Variants in PDHB observed in about 807,000 individuals in gnomAD.
PDHB encodes the protein pyruvate dehydrogenase E1 component subunit beta, mitochondrial.
A neutral mutation model predicts 42.8 loss-of-function variants in PDHB; 17 were observed. That is an observed-to-expected ratio of 0.40 (90% CI 0.27 to 0.60). PDHB has a LOEUF of 0.60. Ranked by LOEUF, PDHB falls within the 20% of genes least tolerant of loss-of-function variation. The pLI, the probability that PDHB is intolerant of heterozygous loss-of-function variation, is 0.46. For missense variants in PDHB, 322 were observed against 451.3 expected (o/e 0.71, Z 2.60); for synonymous variants, 154 against 148.7 (o/e 1.04, Z -0.26).
intron 6 of PDHB, among the ~76,000 whole-genome samples, 173 bp downstream of exon 6, chr3:58,430,484 T>C (rs2062910479): frequency 6.6e-6 from 1 of 152,220 alleles, no homozygotes; most frequent in Admixed American, 6.5e-5. Flanking sequence ...GGCCCCCTTA[T>C]ATTCGGAAAT....
chr3:58,428,231 CCACCTTGG>C (rs1482231491), intron 9 of PDHB, 52 bp from the exon 10 acceptor site: 1 of 1,558,686 alleles, frequency 6.4e-7, no homozygotes, highest in East Asian at 2.2e-5. Context: ...CTGGGCACTA[CCACCTTGG>C]CACAGAGGTG....
At chr3:58,428,282 C>G (rs1291944164) in intron 9 of PDHB, 103 bp from the exon 10 acceptor site, 1 of 1,257,802 alleles carries the variant, frequency 8.0e-7, no homozygotes, top group Non-Finnish European at 1.2e-6. Context: ...GTAAGGAATG[C>G]TAATTATGGG....
At position 58,430,807 on chromosome 3, in the gene PDHB, G is replaced by GT. The variant is rs200687616; in HGVS notation, c.438_439insA (p.Pro147ThrfsTer38). 1 of 1,613,980 alleles carries GT rather than the reference G, an allele frequency of 6.2e-7. No individual in the cohort carries two copies. The highest frequency in any genetic ancestry group is 8.5e-7 in the Non-Finnish European group (1 of 1,179,904). On this transcript the variant is annotated frameshift_variant, in exon 6 of 10. Transcript: ENST00000302746. LOFTEE classifies it high-confidence loss of function. ...GCTACACCTGCTGAGGCACCATTGGGCCCTCTGAAGACTATAGGCACAGGC... is the reference window on the plus strand; with the variant it reads ...GCTACACCTGCTGAGGCACCATTGGGTCCCTCTGAAGACTATAGGCACAGGC...
chr3:58,433,236 G>T (rs1038604533), intron 2 of PDHB: 1 of 313,132 alleles, frequency 3.2e-6, no homozygotes, highest in Non-Finnish European at 6.0e-6. Flanking sequence ...GACAGTTTCT[G>T]CTTGGGATGA....
intron 8 of PDHB, 77 bp from the exon 9 acceptor site, chr3:58,428,691 T>G: frequency 7.9e-7 from 1 of 1,272,936 alleles, no homozygotes; most frequent in Non-Finnish European, 1.1e-6. Flanking sequence ...ACCATTTCCT[T>G]TTTTGTTTCC....
chr3:58,433,104 A>G, intron 2 of PDHB: 1 of 177,438 alleles, frequency 5.6e-6, no homozygotes, highest in Non-Finnish European at 1.2e-5. Context: ...TAAGCCAGAC[A>G]CAAAAGGACA....
At position 58,429,582 on chromosome 3, in the gene PDHB, A is replaced by T; in HGVS notation, c.792+126T>A. 4 of 754,348 alleles carry T rather than the reference A, an allele frequency of 5.3e-6. No individual in the cohort carries two copies. The Middle Eastern group carries it at 7.8e-4, about 146-fold the overall frequency. The allele number at this position is 754,348 out of a possible 1,614,324, so 46.7% of individuals were successfully genotyped here. ...AACTGCAGGCAGGTTCCCAGCTTTA[A>T]GCAGAGACAGAAATGAGTGACAAAG... On this transcript the variant is annotated intron_variant, in intron 8 of 9. Coordinates refer to ENST00000302746, the MANE Select transcript of PDHB (RefSeq NM_000925.4).
Position 58,427,749 on chromosome 3 carries a change from C to T in PDHB, c.*285G>A, listed in dbSNP as rs530847041. 1.4e-5 allele frequency: 7 copies of T among 510,998 alleles called. No individual in the cohort carries two copies. The highest frequency in any genetic ancestry group is 9.5e-5 in the African/African-American group (5 of 52,416). 31.7% of individuals were successfully genotyped at this position (510,998 alleles called of 1,614,324 possible). The stretch of plus-strand genomic sequence containing the variant: ...GATACATCTTTCATGAGGACTCTGC[C>T]ACATCCATACTTTGTCCTTGTGGTG... On this transcript the variant is annotated 3_prime_UTR_variant, in exon 10 of 10. Transcript: ENST00000302746.
rs2062886579 is a variant in PDHB, at chr3:58,428,011, A to G, written c.*23T>C. 2 of 1,546,422 alleles carry G rather than the reference A, an allele frequency of 1.3e-6. No individual in the cohort carries two copies. The highest frequency in any genetic ancestry group is 1.8e-6 in the Non-Finnish European group (2 of 1,119,496). ...CAGCAAGTATTTCAAATAAATTTCA[A>G]CGACTTGATATTCAAGTCCAAACTA... On this transcript the variant is annotated 3_prime_UTR_variant, in exon 10 of 10. Coordinates refer to ENST00000302746, the MANE Select transcript of PDHB (RefSeq NM_000925.4).
Position 58,428,502 on chromosome 3 carries a change from C to T in PDHB, c.905G>A (p.Gly302Glu). 6.2e-7 allele frequency: 1 copy of T among 1,614,164 alleles called. No individual in the cohort carries two copies. The highest frequency in any genetic ancestry group is 8.5e-7 in the Non-Finnish European group (1 of 1,180,022). Residue 302 changes from glycine to glutamate, a missense_variant, in exon 9 of 10, where the codon GGA becomes GAA. By Grantham distance (98) the Gly-to-Glu change is moderately conservative. This residue lies in a region of PDHB where 208 missense variants were observed against 285.0 expected (regional missense o/e 0.73). Coordinates refer to ENST00000302746, the MANE Select transcript of PDHB (RefSeq NM_000925.4). ...CATGATCCTGGCACAGATTTCAGCT[C>T]CTACTCCAAACTGTGGCCAGCCTCC... is the stretch of plus-strand genomic sequence containing the variant. Reference protein sequence around the residue: ...VEGGWPQFGVGAEICARIMEG... With the variant: ...VEGGWPQFGVEAEICARIMEG...
In PDHB at chr3:58,431,470, C is replaced by A; in HGVS notation, c.303+123G>T. ...GGCTGAGGCAGGAGAATTGCTTGAACCTGGAAGCTGAGATGGTGCCAGTGC... is the reference window on the plus strand; with the variant it reads ...GGCTGAGGCAGGAGAATTGCTTGAAACTGGAAGCTGAGATGGTGCCAGTGC... On this transcript the variant is annotated intron_variant, in intron 5 of 9. Coordinates refer to ENST00000302746, the MANE Select transcript of PDHB (RefSeq NM_000925.4). This position sits in a 1 kb window ranked among gnomAD's most constrained non-coding sequence, Gnocchi z 4.4. 1.2e-6 allele frequency: 1 copy of A among 812,784 alleles called. No individual in the cohort carries two copies. The highest frequency in any genetic ancestry group is 1.5e-5 in the South Asian group (1 of 68,940). The allele number at this position is 812,784 out of a possible 1,614,324, so 50.3% of individuals were successfully genotyped here. A position where few individuals can be genotyped will look rare whatever the true frequency, so the allele number is the denominator to read the frequency against.
intron 6 of PDHB, 115 bp from the exon 7 acceptor site, chr3:58,430,353 A>C: frequency 1.3e-6 from 1 of 760,320 alleles, no homozygotes; most frequent in Non-Finnish European, 2.2e-6. Flanking sequence ...GATTAGCCTT[A>C]TCTCTACCAT....
In PDHB at chr3:58,431,737, T is replaced by C. The variant is rs2062922936; in HGVS notation, c.261A>G (p.Ile87Met). ...YGDKRIIDTPISEMGFAGIAV... is the reference protein window; with the variant it reads ...YGDKRIIDTPMSEMGFAGIAV... ...TTCCCACTGGAAGGCTTACCTCTGA[T>C]ATGGGAGTGTCAATAATCCTCTTGT... Residue 87 changes from isoleucine to methionine, a missense_variant, in exon 4 of 10, where the codon ATA (isoleucine) becomes ATG (methionine). Around this residue, in one of 3 missense-constraint regions of PDHB, gnomAD observed 56 missense variants for 124.2 expected, o/e 0.45. Coordinates refer to ENST00000302746, the MANE Select transcript of PDHB (RefSeq NM_000925.4). The surrounding 1 kb of genome is among the most constrained non-coding windows in gnomAD (Gnocchi z 4.4). 1 of 1,613,192 alleles carries C rather than the reference T, an allele frequency of 6.2e-7. No homozygotes were observed. Among genetic ancestry groups the C allele is most frequent in the African/African-American group, 1.3e-5 (1 of 74,910 alleles).
intron 2 of PDHB, chr3:58,433,087 G>C (rs554441383): frequency 5.8e-6 from 1 of 171,570 alleles, no homozygotes; most frequent in Non-Finnish European, 1.3e-5. Flanking sequence ...AGGACATTAC[G>C]CTGAGATAAG....
In PDHB at chr3:58,428,004, A is replaced by G. The variant is rs2062886465; in HGVS notation, c.*30T>C. 4 of 1,530,560 alleles carry G rather than the reference A, an allele frequency of 2.6e-6. No homozygotes were observed. The allele number at this position is 1,530,560 out of a possible 1,614,324, so 94.8% of individuals were successfully genotyped here. ...GCAGTGCCAGCAAGTATTTCAAATA[A>G]ATTTCAACGACTTGATATTCAAGTC... is the stretch of plus-strand genomic sequence containing the variant. On this transcript the variant is annotated 3_prime_UTR_variant, in exon 10 of 10. Coordinates refer to ENST00000302746, the MANE Select transcript of PDHB (RefSeq NM_000925.4).
At chr3:58,429,954 C>T (rs1455245723) in intron 7 of PDHB, 155 bp from the exon 8 acceptor site, 1 of 733,614 alleles carries the variant, frequency 1.4e-6, no homozygotes, top group Non-Finnish European at 2.5e-6. Context: ...AGAAATGAAA[C>T]ACAAACCTAC....
chr3:58,428,717 C>G, intron 8 of PDHB, 103 bp from the exon 9 acceptor site: 1 of 1,038,640 alleles, frequency 9.6e-7, no homozygotes, highest in Non-Finnish European at 1.5e-6. Context: ...ATCTTTGTAT[C>G]TAGGAAAATC....
At position 58,431,192 on chromosome 3, in the gene PDHB, C is replaced by G. The variant is rs2107940221; in HGVS notation, c.304-250G>C. 1 of 557,318 alleles carries G rather than the reference C, an allele frequency of 1.8e-6. No individual in the cohort carries two copies. The highest frequency in any genetic ancestry group is 1.9e-5 in the African/African-American group (1 of 53,256). 34.5% of individuals were successfully genotyped at this position (557,318 alleles called of 1,614,324 possible). Reference sequence around the variant, plus strand: ...AGTAGCTGGGACTGCAGGCAAGCACCACCACATCTACCTACTTGGTATTTT... The same window carrying G: ...AGTAGCTGGGACTGCAGGCAAGCACGACCACATCTACCTACTTGGTATTTT... On this transcript the variant is annotated intron_variant, in intron 5 of 9. Transcript: ENST00000302746. This position sits in a 1 kb window ranked among gnomAD's most constrained non-coding sequence, Gnocchi z 4.4.
rs2062893470 is a variant in PDHB at position 58,428,578 on chromosome 3, C to T, written c.829G>A (p.Glu277Lys). The T allele has an allele frequency of 6.2e-7, 1 of 1,613,714 alleles. No homozygotes were observed. The highest frequency in any genetic ancestry group is 8.5e-7 in the Non-Finnish European group (1 of 1,179,586). ...TTCATGACACTGGCTTCTATGGTTTCCATGTCCATTGGTCTAATGGTACGC... is the reference window on the plus strand; with the variant it reads ...TTCATGACACTGGCTTCTATGGTTTTCATGTCCATTGGTCTAATGGTACGC... ...NMRTIRPMDM[E>K]TIEASVMKTN... Residue 277 changes from glutamate to lysine, a missense_variant, in exon 9 of 10, where the codon GAA (glutamate) becomes AAA (lysine). Physicochemically the swap from Glu to Lys is moderately conservative, Grantham distance 56. Coordinates refer to ENST00000302746, the MANE Select transcript of PDHB (RefSeq NM_000925.4).
Sources: allele counts gnomAD v4.1 joint callset (sites outside exome capture counted in the v4.1 genomes callset), GRCh38; gene constraint gnomAD v4.1.1; regional missense constraint gnomAD v4.1.1; non-coding constraint Gnocchi (gnomAD v3.1); transcripts MANE v1.5; gene names NCBI Gene and HGNC (gene_info 2026-07-23, HGNC 2026-07-21).